The following TMEM232 variants were observed in gnomAD, a reference collection of about 807,000 sequenced individuals.
The protein encoded by TMEM232 is transmembrane protein 232.
In TMEM232, 80 loss-of-function variants were observed where a neutral mutation model predicts 78.8. The ratio of observed to expected loss-of-function variants is 1.01; its 90% CI spans 0.85 to 1.22. TMEM232 has a LOEUF of 1.22. TMEM232 is among the 50% of genes most tolerant of loss of function. The pLI is 0.00. For missense variants in TMEM232, 881 were observed against 742.2 expected, an observed-to-expected ratio of 1.19 and a Z score of -2.17; for synonymous variants, 297 against 254.3, an observed-to-expected ratio of 1.17 and a Z score of -1.60.
chr5:110,653,312 A>T (rs760390631), intron 2 of TMEM232, among the ~76,000 whole-genome samples: 14 of 152,222 alleles, frequency 9.2e-5, no homozygotes, highest in Non-Finnish European at 2.1e-4. Flanking sequence ...ATAATTTTCC[A>T]TCTGTAGAAA....
At chr5:110,499,713 G>A (rs1162384545) in intron 12 of TMEM232, among the ~76,000 whole-genome samples, 1 of 149,700 alleles carries the variant, frequency 6.7e-6, no homozygotes, top group Non-Finnish European at 1.5e-5. Context: ...ACCAAGTAGA[G>A]TTTCAGACAA....
chr5:110,525,626 A>AT (rs1042583471), intron 12 of TMEM232, among the ~76,000 whole-genome samples: 1 of 151,874 alleles, frequency 6.6e-6, no homozygotes, highest in Non-Finnish European at 1.5e-5. Context: ...TCTAAAGTTA[A>AT]TTTTTTTAAG....
intron 11 of TMEM232, among the ~76,000 whole-genome samples, chr5:110,567,689 C>G (rs1056812180): frequency 6.6e-6 from 1 of 151,782 alleles, no homozygotes; most frequent in Non-Finnish European, 1.5e-5. Context: ...GAACTTTTAC[C>G]TTTACCTATT....
Position 110,536,297 on chromosome 5 carries a change from T to G in TMEM232, c.1456-7462A>C, listed in dbSNP as rs375211216. Among the ~76,000 whole-genome samples, 5 of 152,322 alleles carry G rather than the reference T, an allele frequency of 3.3e-5. No individual in the cohort carries two copies. The East Asian group carries it at 9.7e-4, about 29-fold the overall frequency. On this transcript the variant is annotated intron_variant, in intron 11 of 13. Transcript: ENST00000455884. Reference sequence around the variant, plus strand: ...CTGAGCCCTTTGCCTTTTTTTTCTTTTTCAGTATTTCAGCAGCTGTTTCCT... The same window carrying G: ...CTGAGCCCTTTGCCTTTTTTTTCTTGTTCAGTATTTCAGCAGCTGTTTCCT...
chr5:110,662,716 T>C (rs1455980189), intron 2 of TMEM232, among the ~76,000 whole-genome samples: 1 of 152,162 alleles, frequency 6.6e-6, no homozygotes, highest in East Asian at 1.9e-4. Context: ...ACAATAACTG[T>C]ACTACAGAAA....
chr5:110,619,319 A>T (rs1783345835), intron 7 of TMEM232, among the ~76,000 whole-genome samples: 1 of 152,196 alleles, frequency 6.6e-6, no homozygotes, highest in African/African-American at 2.4e-5. Context: ...TCAGGACTAC[A>T]ATTTCAAGAT....
At chr5:110,733,712 CA>C (rs1262602029) in intron 2 of TMEM232, among the ~76,000 whole-genome samples, 3 of 151,898 alleles carry the variant, frequency 2.0e-5, no homozygotes, top group Non-Finnish European at 2.9e-5. Flanking sequence ...GAGAGAGGAT[CA>C]GAAAAAAAAC....
chr5:110,644,008 A>T (rs1787104535), intron 2 of TMEM232, among the ~76,000 whole-genome samples: 1 of 151,970 alleles, frequency 6.6e-6, no homozygotes, highest in African/African-American at 2.4e-5. Flanking sequence ...TCTATATATC[A>T]GGCACTAAGT....
chr5:110,661,101 C>A (rs1789723956), intron 2 of TMEM232, among the ~76,000 whole-genome samples: 1 of 152,132 alleles, frequency 6.6e-6, no homozygotes. Flanking sequence ...TCTTTCTGTG[C>A]CTGAATTATT....
intron 10 of TMEM232, among the ~76,000 whole-genome samples, chr5:110,574,240 A>G (rs1212610042): frequency 6.6e-6 from 1 of 152,096 alleles, no homozygotes; most frequent in Non-Finnish European, 1.5e-5. Context: ...TGAGAAAAGG[A>G]ACTGTCACAT....
chr5:110,589,108 G>C (rs1356763801), intron 10 of TMEM232, among the ~76,000 whole-genome samples: 1 of 152,034 alleles, frequency 6.6e-6, no homozygotes. Context: ...GTGCTTCCCT[G>C]TTAGTAAAGA....
chr5:110,609,083 C>T (rs1190854722), intron 8 of TMEM232, among the ~76,000 whole-genome samples: 1 of 151,994 alleles, frequency 6.6e-6, no homozygotes, highest in African/African-American at 2.4e-5. Flanking sequence ...TTCCTAGGTT[C>T]TTCTTACTCC....
chr5:110,715,427 G>T (rs900484566), intron 1 of TMEM232, among the ~76,000 whole-genome samples: 1 of 152,092 alleles, frequency 6.6e-6, no homozygotes, highest in African/African-American at 2.4e-5. Flanking sequence ...ATTGATTTGT[G>T]GCTCACTAAA....
intron 1 of TMEM232, among the ~76,000 whole-genome samples, chr5:110,715,194 T>A (rs541025716): frequency 6.6e-6 from 1 of 152,194 alleles, no homozygotes; most frequent in East Asian, 1.9e-4. Flanking sequence ...AATTGTTTTG[T>A]AATCTAACCA....
At chr5:110,544,528 T>G (rs1024672230) in intron 11 of TMEM232, among the ~76,000 whole-genome samples, 2 of 150,622 alleles carry the variant, frequency 1.3e-5, no homozygotes, top group African/African-American at 4.9e-5. Context: ...AAATTTGAGC[T>G]AACTCACATT....
chr5:110,524,116 A>G lies in TMEM232; in HGVS notation c.1703+4472T>C, dbSNP rs1770007046. The stretch of plus-strand genomic sequence containing the variant: ...CGTCTCTACTGAAAATACAAAAATT[A>G]GCCAGGCATGGTGGTGCGTGCCTGT... On this transcript the variant is annotated intron_variant, in intron 12 of 13. Transcript: ENST00000455884. Among the ~76,000 whole-genome samples the G allele has an allele frequency of 2.0e-5, 3 of 151,406 alleles. No homozygotes were observed. The South Asian group carries it at 6.2e-4, about 31-fold the overall frequency.
At chr5:110,676,475 T>G (rs886959768) in intron 1 of TMEM232, among the ~76,000 whole-genome samples, 1 of 151,522 alleles carries the variant, frequency 6.6e-6, no homozygotes, top group South Asian at 2.1e-4. Context: ...TGGGGCTCAC[T>G]GCAATCTGCA....
chr5:110,532,544 C>G (rs12519105), intron 11 of TMEM232, among the ~76,000 whole-genome samples: 7,071 of 151,944 alleles, frequency 0.047, 369 homozygotes, highest in East Asian at 0.26. Flanking sequence ...TGCCAACTTA[C>G]ACAATACTCT....
intron 13 of TMEM232, among the ~76,000 whole-genome samples, chr5:110,421,193 A>ACT: frequency 6.6e-6 from 1 of 152,098 alleles, no homozygotes; most frequent in South Asian, 2.1e-4. Flanking sequence ...TTAAAAATGA[A>ACT]ATTAATGGTC....
Sources: allele counts gnomAD v4.1 joint callset (sites outside exome capture counted in the v4.1 genomes callset), GRCh38; gene constraint gnomAD v4.1.1; transcripts MANE v1.5; gene names NCBI Gene and HGNC (gene_info 2026-07-23, HGNC 2026-07-21).